Variants in ZBED1 observed in about 807,000 individuals in gnomAD.
ZBED1 encodes the protein zinc finger BED-type containing 1.
A neutral mutation model predicts 49.7 loss-of-function variants in ZBED1; 19 were observed. That is an observed-to-expected ratio of 0.38 (90% CI 0.27 to 0.56). The LOEUF is 0.56. ZBED1 is among the 20% of genes least tolerant of loss of function. The pLI is 0.70. For synonymous variants in ZBED1, 439 were observed against 440.3 expected, an observed-to-expected ratio of 1.00 and a Z score of 0.04; for missense variants, 806 against 972.6, an observed-to-expected ratio of 0.83 and a Z score of 2.28.
At chrX:2,498,713 A>G (rs1002444502) in intron 1 of ZBED1, among the ~76,000 whole-genome samples, 33 of 151,956 alleles carry the variant, frequency 2.2e-4, no homozygotes, top group Non-Finnish European at 4.0e-4. Flanking sequence ...GAGCTGCTGC[A>G]GGAACCCCGG....
chrX:2,491,479 T>C (rs771308326), intron 1 of ZBED1, among the ~76,000 whole-genome samples: 4 of 152,212 alleles, frequency 2.6e-5, no homozygotes, highest in South Asian at 4.1e-4. Context: ...GAAGCCTACA[T>C]AGAAGAATCC....
rs373098167 is a variant in ZBED1, at chrX:2,490,176, C to T, written c.544G>A (p.Glu182Lys). ...AIPEKYGAVR[E>K]VILKELAEAT... ...TCGGCCAGCTCCTTCAGGATCACCT[C>T]CCGGACGGCCCCGTACTTCTCAGGG... The change falls in exon 2 of 2, where the codon GAG (glutamate) becomes AAG (lysine). Residue 182 changes from glutamate (E) to lysine (K), a missense_variant. This residue lies in a region of ZBED1 where 749 missense variants were observed against 861.3 expected (regional missense o/e 0.87). Coordinates refer to ENST00000652001, the MANE Select transcript of ZBED1 (RefSeq NM_001171136.2). 33 of 1,613,836 alleles carry T rather than the reference C, an allele frequency of 2.0e-5. No individual in the cohort carries two copies. The highest frequency in any genetic ancestry group is 2.7e-5 in the Non-Finnish European group (32 of 1,179,874).
chrX:2,493,207 C>T (rs2045200438), intron 1 of ZBED1, among the ~76,000 whole-genome samples: 2 of 152,096 alleles, frequency 1.3e-5, no homozygotes, highest in South Asian at 4.2e-4. Flanking sequence ...CTTCTGCAGC[C>T]GAGTTAGGGT....
At position 2,488,565 on chromosome X, in the gene ZBED1, G is replaced by T. The variant is rs2045012510; in HGVS notation, c.*70C>A. 1.3e-6 allele frequency: 2 copies of T among 1,507,762 alleles called. No homozygotes were observed. The highest frequency in any genetic ancestry group is 2.3e-5 in the Admixed American group (1 of 43,500). 93.4% of individuals were successfully genotyped at this position (1,507,762 alleles called of 1,614,324 possible). A position where few individuals can be genotyped will look rare whatever the true frequency, so the allele number is the denominator to read the frequency against. Reference sequence around the variant, plus strand: ...CTGAGGTTCAAAACCAAGCTGACCGGGTAAGTATTTACAGCAAAGCATCCA... The same window carrying T: ...CTGAGGTTCAAAACCAAGCTGACCGTGTAAGTATTTACAGCAAAGCATCCA... On this transcript the variant is annotated 3_prime_UTR_variant, in exon 2 of 2. Transcript: ENST00000652001.
chrX:2,497,654 A>G (rs953501259), intron 1 of ZBED1, among the ~76,000 whole-genome samples: 6 of 152,218 alleles, frequency 3.9e-5, no homozygotes, highest in African/African-American at 1.4e-4. Flanking sequence ...TCTGTGGCCT[A>G]TTATTTACAA....
chrX:2,497,837 C>T (rs1405494546), intron 1 of ZBED1, among the ~76,000 whole-genome samples: 1 of 152,126 alleles, frequency 6.6e-6, no homozygotes, highest in East Asian at 1.9e-4. Context: ...TCAATATGAT[C>T]ATTTTCAACA....
At position 2,489,523 on chromosome X, in the gene ZBED1, C is replaced by T; in HGVS notation, c.1197G>A (p.Glu399=). ...SEWATIEGLV[E]LLQPFKQVAE... ...CCACCTGCTTGAAGGGCTGCAGGAG[C>T]TCCACCAGCCCCTCGATGGTGGCCC... is the stretch of plus-strand genomic sequence containing the variant. Residue 399 remains glutamate, a synonymous_variant, in exon 2 of 2, where the codon GAG becomes GAA. Coordinates refer to ENST00000652001, the MANE Select transcript of ZBED1 (RefSeq NM_001171136.2). 2 of 1,613,076 alleles carry T rather than the reference C, an allele frequency of 1.2e-6. No homozygotes were observed. Among genetic ancestry groups the T allele is most frequent in the Middle Eastern group, 3.7e-4 (2 of 5,358 alleles).
rs1269265867 is a variant in ZBED1, at chrX:2,489,459, T to C, written c.1261A>G (p.Met421Val). The C allele has an allele frequency of 1.9e-6, 3 of 1,613,722 alleles. No individual in the cohort carries two copies. The African/African-American group carries it at 4.0e-5, about 22-fold the overall frequency. The change falls in exon 2 of 2, where the codon ATG (methionine) becomes GTG (valine). Residue 421 changes from methionine (M) to valine (V), a missense_variant. Transcript: ENST00000652001. ...AGCATGTGCAGCAGCGGCTTCACCA[T>C]GCTGATGGTGGGGTACCTGGAGGCC... is the stretch of plus-strand genomic sequence containing the variant. ...LSASRYPTIS[M>V]VKPLLHMLLN...
In ZBED1 at chrX:2,489,872, T is replaced by C. The variant is rs1320396640; in HGVS notation, c.848A>G (p.Asp283Gly). ...KDIVKACSLLDVAVHMPCLGH... is the reference protein window; with the variant it reads ...KDIVKACSLLGVAVHMPCLGH... Reference sequence around the variant, plus strand: ...CAGGCAGGGCATGTGCACTGCGACGTCCAGCAGGGAGCACGCCTTCACGAT... The same window carrying C: ...CAGGCAGGGCATGTGCACTGCGACGCCCAGCAGGGAGCACGCCTTCACGAT... Residue 283 changes from aspartate (D) to glycine (G), a missense_variant, in exon 2 of 2, where the codon GAC becomes GGC. Coordinates refer to ENST00000652001, the MANE Select transcript of ZBED1 (RefSeq NM_001171136.2). 2 of 1,613,812 alleles carry C rather than the reference T, an allele frequency of 1.2e-6. No individual in the cohort carries two copies. The highest frequency in any genetic ancestry group is 1.7e-6 in the Non-Finnish European group (2 of 1,179,878).
chrX:2,498,349 C>G (rs1451051927), intron 1 of ZBED1, among the ~76,000 whole-genome samples: 1 of 152,186 alleles, frequency 6.6e-6, no homozygotes, highest in African/African-American at 2.4e-5. Context: ...TCACCAACAG[C>G]GAAGGCCTAC....
At chrX:2,496,693 C>A (rs1297667116) in intron 1 of ZBED1, among the ~76,000 whole-genome samples, 1 of 151,838 alleles carries the variant, frequency 6.6e-6, no homozygotes, top group African/African-American at 2.4e-5. Context: ...GGAAAAATAG[C>A]GGGTGATAGA....
In ZBED1 at chrX:2,489,073, G is replaced by C; in HGVS notation, c.1647C>G (p.Ala549=). The part of the protein sequence containing the change: ...PPASVINNML[A]EIFCQTGGVE... ...CGCCGCCTGTCTGGCAGAAGATCTCGGCCAGCATGTTGTTGATGACGCTGG... is the reference window on the plus strand; with the variant it reads ...CGCCGCCTGTCTGGCAGAAGATCTCCGCCAGCATGTTGTTGATGACGCTGG... Residue 549 remains alanine, a synonymous_variant, in exon 2 of 2, where the codon GCC becomes GCG. Coordinates refer to ENST00000652001, the MANE Select transcript of ZBED1 (RefSeq NM_001171136.2). 6.2e-7 allele frequency: 1 copy of C among 1,613,814 alleles called. No individual in the cohort carries two copies. Among genetic ancestry groups the C allele is most frequent in the Non-Finnish European group, 8.5e-7 (1 of 1,179,854 alleles).
chrX:2,493,335 TTATTATTTGGCTGAAACAGGTTTTGG>T (rs1188758592), intron 1 of ZBED1, among the ~76,000 whole-genome samples: 2 of 151,882 alleles, frequency 1.3e-5, no homozygotes, highest in African/African-American at 4.8e-5. Flanking sequence ...CATCATCATA[TTATTATTTGGCTGAAACAGGTTTTGG>T]TAATTGGGAG....
intron 1 of ZBED1, among the ~76,000 whole-genome samples, chrX:2,491,858 G>A (rs1375495931): frequency 6.6e-6 from 1 of 152,218 alleles, no homozygotes; most frequent in Non-Finnish European, 1.5e-5. Context: ...AGATGACCCA[G>A]AAGCCAGTCC....
At chrX:2,494,411 T>C (rs1226386624) in intron 1 of ZBED1, among the ~76,000 whole-genome samples, 2 of 152,000 alleles carry the variant, frequency 1.3e-5, no homozygotes, top group East Asian at 1.9e-4. Flanking sequence ...CTTTTGTTAT[T>C]AGGCTGAAAG....
Position 2,490,153 on chromosome X carries a change from G to A in ZBED1, c.567C>T (p.Ala189=), listed in dbSNP as rs145336488. ...TGGAGATGCCACACCAGGTGGCCTC[G>A]GCCAGCTCCTTCAGGATCACCTCCC... is the stretch of plus-strand genomic sequence containing the variant. ...AVREVILKEL[A]EATWCGISTD... Residue 189 remains alanine, a synonymous_variant, in exon 2 of 2, where the codon GCC becomes GCT. Coordinates refer to ENST00000652001, the MANE Select transcript of ZBED1 (RefSeq NM_001171136.2). The A allele has an allele frequency of 4.6e-4, 740 of 1,613,924 alleles. 1 individual carries two copies. Among genetic ancestry groups the A allele is most frequent in the South Asian group, 4.4e-3 (401 of 91,076 alleles).
At chrX:2,499,053 C>A (rs182383658) in intron 1 of ZBED1, among the ~76,000 whole-genome samples, 2,486 of 152,230 alleles carry the variant, frequency 0.016, 60 homozygotes, top group African/African-American at 0.049. Flanking sequence ...TGGCTAGAGG[C>A]GGGAGAGAGA....
At position 2,489,239 on chromosome X, in the gene ZBED1, T is replaced by C; in HGVS notation, c.1481A>G (p.Glu494Gly). The C allele has an allele frequency of 6.2e-7, 1 of 1,613,916 alleles. No individual in the cohort carries two copies. Among genetic ancestry groups the C allele is most frequent in the Non-Finnish European group, 8.5e-7 (1 of 1,179,854 alleles). Residue 494 changes from glutamate to glycine, a missense_variant, in exon 2 of 2, where the codon GAG becomes GGG. Coordinates refer to ENST00000652001, the MANE Select transcript of ZBED1 (RefSeq NM_001171136.2). ...CTTGGCCTCTTCCACCACGCGATTC[T>C]CCACCTGCTGCCGCTCGAAGGCGGA... ...FLSAFERQQV[E>G]NRVVEEAKGL...
At chrX:2,497,673 T>C (rs980020229) in intron 1 of ZBED1, among the ~76,000 whole-genome samples, 2 of 152,200 alleles carry the variant, frequency 1.3e-5, no homozygotes, top group African/African-American at 4.8e-5. Flanking sequence ...AATAGAACTT[T>C]TAAGAAAAAT....
Sources: allele counts gnomAD v4.1 joint callset (sites outside exome capture counted in the v4.1 genomes callset), GRCh38; gene constraint gnomAD v4.1.1; regional missense constraint gnomAD v4.1.1; transcripts MANE v1.5; gene names NCBI Gene and HGNC (gene_info 2026-07-23, HGNC 2026-07-21).